The following CNTNAP2 variants were observed in gnomAD, a reference collection of about 807,000 sequenced individuals.
CNTNAP2 encodes contactin associated protein 2, also known as contactin-associated protein-like 2.
In CNTNAP2, 98 loss-of-function variants were observed where a neutral mutation model predicts 155.2. The ratio of observed to expected loss-of-function variants is 0.63; its 90% confidence interval spans 0.54 to 0.75. The LOEUF (loss-of-function observed/expected upper bound fraction) is 0.75. CNTNAP2 is among the 30% of genes least tolerant of loss of function. CNTNAP2 has a pLI of 0.00. For missense variants in CNTNAP2, 1,727 were observed against 1,688.1 expected (o/e 1.02, Z -0.40); for synonymous variants, 651 against 631.2 (o/e 1.03, Z -0.47).
chr7:147,599,910 G>A (rs906616107), intron 12 of CNTNAP2, among the ~76,000 whole-genome samples: 1 of 152,194 alleles, frequency 6.6e-6, no homozygotes, highest in African/African-American at 2.4e-5. Context: ...ATTCAATGCA[G>A]TGTATGAGGG....
At chr7:147,252,220 T>C (rs1464868473) in intron 8 of CNTNAP2, among the ~76,000 whole-genome samples, 1 of 152,174 alleles carries the variant, frequency 6.6e-6, no homozygotes, top group African/African-American at 2.4e-5. Context: ...GGTTAAAGAT[T>C]AGGCTACTTG....
intron 8 of CNTNAP2, among the ~76,000 whole-genome samples, chr7:147,140,632 A>G (rs1801572835): frequency 6.6e-6 from 1 of 152,038 alleles, no homozygotes; most frequent in African/African-American, 2.4e-5. Context: ...CAAATCTAAC[A>G]TATAGTGGAT....
intron 22 of CNTNAP2, among the ~76,000 whole-genome samples, chr7:148,386,859 C>T (rs1171541661): frequency 2.2e-5 from 3 of 137,434 alleles, no homozygotes; most frequent in South Asian, 2.1e-4. Context: ...AAGCTAGAAA[C>T]TTATATGCCC....
At chr7:147,449,833 C>T (rs182108224) in intron 10 of CNTNAP2, among the ~76,000 whole-genome samples, 1 of 152,258 alleles carries the variant, frequency 6.6e-6, no homozygotes, top group Admixed American at 6.5e-5. Flanking sequence ...AAAATACAAA[C>T]ATTCTCTGCT....
At chr7:146,848,586 C>A (rs1030788700) in intron 3 of CNTNAP2, among the ~76,000 whole-genome samples, 4 of 152,096 alleles carry the variant, frequency 2.6e-5, no homozygotes, top group African/African-American at 9.7e-5. Flanking sequence ...TTGGGTCCAG[C>A]AAAGGCTTCT....
At chr7:148,321,397 G>T (rs992813028) in intron 21 of CNTNAP2, among the ~76,000 whole-genome samples, 2 of 152,198 alleles carry the variant, frequency 1.3e-5, no homozygotes, top group African/African-American at 4.8e-5. Flanking sequence ...GCTGGGCTTG[G>T]GGGTGGACAG....
chr7:147,926,329 T>A (rs1237086632), intron 14 of CNTNAP2, among the ~76,000 whole-genome samples: 3 of 152,166 alleles, frequency 2.0e-5, no homozygotes, highest in Admixed American at 2.0e-4. Flanking sequence ...ATTTCAGAGA[T>A]TAGGACTTTA....
chr7:147,101,482 G>C (rs538294896), intron 4 of CNTNAP2, among the ~76,000 whole-genome samples: 1 of 152,316 alleles, frequency 6.6e-6, no homozygotes, highest in East Asian at 1.9e-4. Context: ...GGATGGTTAA[G>C]TGTTAACCAG....
At chr7:147,046,163 C>T (rs1799352237) in intron 4 of CNTNAP2, among the ~76,000 whole-genome samples, 1 of 152,142 alleles carries the variant, frequency 6.6e-6, no homozygotes, top group African/African-American at 2.4e-5. Flanking sequence ...AGCTCACTAT[C>T]ACCGTTCTGT....
At chr7:147,178,517 C>A (rs1464911763) in intron 8 of CNTNAP2, among the ~76,000 whole-genome samples, 1 of 152,114 alleles carries the variant, frequency 6.6e-6, no homozygotes, top group Non-Finnish European at 1.5e-5. Context: ...TGTTTTAAGC[C>A]ACTAATTTTG....
intron 19 of CNTNAP2, among the ~76,000 whole-genome samples, chr7:148,222,198 C>T (rs1270205936): frequency 5.9e-5 from 9 of 152,190 alleles, no homozygotes; most frequent in Admixed American, 1.3e-4. Flanking sequence ...CAGCCAGCAC[C>T]GCCTGCCTTT....
chr7:148,144,335 G>A (rs532732467), intron 16 of CNTNAP2, among the ~76,000 whole-genome samples: 26 of 152,320 alleles, frequency 1.7e-4, no homozygotes, highest in South Asian at 6.2e-4. Context: ...AAAAGATTGG[G>A]GTTTCCTAAG....
chr7:146,922,055 T>C (rs373427014), intron 3 of CNTNAP2, among the ~76,000 whole-genome samples: 4 of 152,288 alleles, frequency 2.6e-5, no homozygotes, highest in African/African-American at 9.6e-5. Flanking sequence ...CCTTTCAGAA[T>C]GATAGATATC....
At chr7:148,283,260 A>G (rs1797009817) in intron 21 of CNTNAP2, among the ~76,000 whole-genome samples, 1 of 43,336 alleles carries the variant, frequency 2.3e-5, no homozygotes, top group Non-Finnish European at 4.2e-5. Context: ...AAAAAAAAAG[A>G]AAGAAAGAAA....
intron 1 of CNTNAP2, among the ~76,000 whole-genome samples, chr7:146,641,097 T>C (rs749648859): frequency 6.6e-6 from 1 of 151,948 alleles, no homozygotes; most frequent in Non-Finnish European, 1.5e-5. Context: ...GAGGCTGAGG[T>C]GGGCGGATCA....
At chr7:147,991,688 G>A (rs2116882307) in intron 15 of CNTNAP2, among the ~76,000 whole-genome samples, 1 of 152,176 alleles carries the variant, frequency 6.6e-6, no homozygotes, top group South Asian at 2.1e-4. Context: ...ATCTAAATTA[G>A]ATTAACCCCC....
chr7:147,461,433 A>C (rs557694608), intron 10 of CNTNAP2, among the ~76,000 whole-genome samples: 1 of 145,406 alleles, frequency 6.9e-6, no homozygotes, highest in East Asian at 1.9e-4. Context: ...CATTTTTCTG[A>C]AGGGCAATCA....
At chr7:146,277,121 T>C (rs1355032787) in intron 1 of CNTNAP2, among the ~76,000 whole-genome samples, 6 of 152,126 alleles carry the variant, frequency 3.9e-5, no homozygotes, top group Non-Finnish European at 7.4e-5. Flanking sequence ...AGACAGACAG[T>C]GCACATATGT....
chr7:147,298,628 A>G (rs1022797469), intron 8 of CNTNAP2, among the ~76,000 whole-genome samples: 1 of 152,212 alleles, frequency 6.6e-6, no homozygotes, highest in Non-Finnish European at 1.5e-5. Context: ...CCAACTAGTA[A>G]TGTATGATTT....
Sources: allele counts gnomAD v4.1 joint callset (sites outside exome capture counted in the v4.1 genomes callset), GRCh38; gene constraint gnomAD v4.1.1; transcripts MANE v1.5; gene names NCBI Gene and HGNC (gene_info 2026-07-23, HGNC 2026-07-21).